DRC11: variants seen among roughly 807,000 people sequenced by gnomAD.
The protein encoded by DRC11 is IQ and AAA domain-containing protein 1.
the DRC11 span, among the ~76,000 whole-genome samples, chr2:236,335,005 G>C: frequency 6.6e-6 from 1 of 151,180 alleles, no homozygotes; most frequent in Non-Finnish European, 1.5e-5. This position sits in a 1 kb window ranked among gnomAD's most constrained non-coding sequence, Gnocchi z 5.6. Context: ...AGCTTGGTCT[G>C]GGGGAAAGAA....
the DRC11 span, among the ~76,000 whole-genome samples, chr2:236,361,468 A>T: frequency 1.3e-5 from 2 of 151,472 alleles, no homozygotes; most frequent in African/African-American, 2.4e-5. The surrounding 1 kb of genome is among the most constrained non-coding windows in gnomAD (Gnocchi z 5.7). Context: ...TGAAATGCAA[A>T]AATAACATTC....
the DRC11 span, among the ~76,000 whole-genome samples, chr2:236,337,942 C>T: frequency 1.3e-5 from 2 of 152,198 alleles, no homozygotes; most frequent in African/African-American, 4.8e-5. This position sits in a 1 kb window ranked among gnomAD's most constrained non-coding sequence, Gnocchi z 4.9. Context: ...GCTTTTGTCA[C>T]TGTCAGGGCC....
chr2:236,314,268 T>C, the DRC11 span, among the ~76,000 whole-genome samples: 1 of 152,200 alleles, frequency 6.6e-6, no homozygotes, highest in Non-Finnish European at 1.5e-5. The surrounding 1 kb of genome is among the most constrained non-coding windows in gnomAD (Gnocchi z 4.5). Flanking sequence ...ATCATCTCCA[T>C]TGAGGCAGAA....
the DRC11 span, among the ~76,000 whole-genome samples, chr2:236,338,985 G>C: frequency 6.6e-6 from 1 of 152,210 alleles, no homozygotes; most frequent in Non-Finnish European, 1.5e-5. Context: ...GTGGGAGTCA[G>C]ATCTGACCAT....
chr2:236,386,648 G>C, the DRC11 span, among the ~76,000 whole-genome samples: 1 of 151,506 alleles, frequency 6.6e-6, no homozygotes, highest in East Asian at 1.9e-4. Context: ...AGTGTTTTTT[G>C]TGTCTCTATT....
chr2:236,333,309 T>C, the DRC11 span: 2 of 152,408 alleles, frequency 1.3e-5, no homozygotes, highest in Non-Finnish European at 2.9e-5. The surrounding 1 kb of genome is among the most constrained non-coding windows in gnomAD (Gnocchi z 6.0). Flanking sequence ...TGTGTAGCGA[T>C]GGATGGCAGC....
At chr2:236,425,465 G>C in the DRC11 span, among the ~76,000 whole-genome samples, 2 of 151,954 alleles carry the variant, frequency 1.3e-5, no homozygotes, top group Non-Finnish European at 2.9e-5. Context: ...GTCTATTCAT[G>C]TCCTTTGCCC....
the DRC11 span, among the ~76,000 whole-genome samples, chr2:236,388,566 A>G: frequency 1.3e-5 from 2 of 148,472 alleles, no homozygotes; most frequent in East Asian, 4.0e-4. Context: ...CATTCTTCTA[A>G]ATTTTTTTCA....
chr2:236,336,995 C>T, the DRC11 span, among the ~76,000 whole-genome samples: 1 of 152,298 alleles, frequency 6.6e-6, no homozygotes, highest in African/African-American at 2.4e-5. The surrounding 1 kb of genome is among the most constrained non-coding windows in gnomAD (Gnocchi z 7.3). Flanking sequence ...GATAACCCGT[C>T]GTGGGACCCA....
chr2:236,421,285 A>G, the DRC11 span, among the ~76,000 whole-genome samples: 1 of 152,210 alleles, frequency 6.6e-6, no homozygotes, highest in Non-Finnish European at 1.5e-5. Context: ...GTTTTTTGAA[A>G]AGATCAACTA....
the DRC11 span, among the ~76,000 whole-genome samples, chr2:236,312,943 C>T: frequency 6.6e-6 from 1 of 151,942 alleles, no homozygotes; most frequent in Non-Finnish European, 1.5e-5. Flanking sequence ...ATTTGAAAAT[C>T]TAGATGAAAT....
At chr2:236,413,487 TAA>T in the DRC11 span, among the ~76,000 whole-genome samples, 18 of 152,242 alleles carry the variant, frequency 1.2e-4, no homozygotes, top group Non-Finnish European at 2.5e-4. This position sits in a 1 kb window ranked among gnomAD's most constrained non-coding sequence, Gnocchi z 4.0. Context: ...TCCATTTTTG[TAA>T]AGTCATGCAA....
the DRC11 span, among the ~76,000 whole-genome samples, chr2:236,443,979 A>AT: frequency 0.27 from 38,149 of 139,682 alleles, 5,236 homozygotes; most frequent in Middle Eastern, 0.34. This position sits in a 1 kb window ranked among gnomAD's most constrained non-coding sequence, Gnocchi z 4.4. Context: ...GGCCACATGA[A>AT]TTTTTTTTTT....
the DRC11 span, among the ~76,000 whole-genome samples, chr2:236,418,279 A>T: frequency 2.0e-5 from 3 of 152,180 alleles, no homozygotes; most frequent in Non-Finnish European, 4.4e-5. Flanking sequence ...AATTGGCGTG[A>T]GATAGTATCT....
the DRC11 span, among the ~76,000 whole-genome samples, chr2:236,455,803 C>T: frequency 1.2e-4 from 19 of 152,292 alleles, no homozygotes; most frequent in African/African-American, 4.3e-4. The surrounding 1 kb of genome is among the most constrained non-coding windows in gnomAD (Gnocchi z 5.7). Context: ...TCAAGACCTC[C>T]TCCAGAAAGA....
chr2:236,448,952 C>T, the DRC11 span, among the ~76,000 whole-genome samples: 248 of 151,186 alleles, frequency 1.6e-3, 1 homozygote, highest in Middle Eastern at 7.0e-3. The surrounding 1 kb of genome is among the most constrained non-coding windows in gnomAD (Gnocchi z 5.3). Context: ...CTCCGCCTCC[C>T]GGGTTCAAAC....
At chr2:236,340,689 C>A in the DRC11 span, among the ~76,000 whole-genome samples, 569 of 152,296 alleles carry the variant, frequency 3.7e-3, 5 homozygotes, top group Non-Finnish European at 5.6e-3. Flanking sequence ...CCCTCAGCAA[C>A]CCAGTTGCCA....
At chr2:236,437,606 G>A in the DRC11 span, among the ~76,000 whole-genome samples, 1 of 150,066 alleles carries the variant, frequency 6.7e-6, no homozygotes, top group East Asian at 2.0e-4. Flanking sequence ...AGCACCTGTT[G>A]TTGCCTGACT....
chr2:236,405,484 G>A, the DRC11 span, among the ~76,000 whole-genome samples: 1 of 151,890 alleles, frequency 6.6e-6, no homozygotes. The surrounding 1 kb of genome is among the most constrained non-coding windows in gnomAD (Gnocchi z 4.6). Context: ...ACAGTTAGTA[G>A]TACTGAGACT....
Sources: allele counts gnomAD v4.1 joint callset (sites outside exome capture counted in the v4.1 genomes callset), GRCh38; gene constraint gnomAD v4.1.1; non-coding constraint Gnocchi (gnomAD v3.1); transcripts MANE v1.5; gene names NCBI Gene and HGNC (gene_info 2026-07-23, HGNC 2026-07-21).